Variants in TEX48 observed in about 807,000 individuals in gnomAD.
TEX48 encodes testis-expressed protein 48.
In TEX48, 10 loss-of-function variants were observed where a neutral mutation model predicts 13.2. The observed-to-expected ratio is 0.75, with a 90% CI of 0.47 to 1.28. TEX48 has a LOEUF of 1.28. Ranked by LOEUF, TEX48 falls within the 50% of genes most tolerant of loss-of-function variation. TEX48 has a pLI of 0.00. For synonymous variants in TEX48, 45 were observed against 52.3 expected (o/e 0.86, Z 0.60); for missense variants, 116 against 139.4 (o/e 0.83, Z 0.84).
intron 1 of TEX48, among the ~76,000 whole-genome samples, chr9:114,672,561 C>G (rs1827968221): frequency 6.6e-6 from 1 of 152,136 alleles, no homozygotes; most frequent in Admixed American, 6.5e-5. Flanking sequence ...TGAGTTTTGC[C>G]TTCATTATAG....
chr9:114,671,654 C>T (rs2133759460), intron 2 of TEX48, 66 bp downstream of exon 2: 2 of 1,534,516 alleles, frequency 1.3e-6, no homozygotes, highest in Non-Finnish European at 1.7e-6. Flanking sequence ...TCTTCTGTAG[C>T]TTCCCATGGC....
At chr9:114,671,679 G>T (rs1190833439) in intron 2 of TEX48, 41 bp downstream of exon 2, 2 of 1,535,460 alleles carry the variant, frequency 1.3e-6, no homozygotes, top group South Asian at 2.4e-5. Flanking sequence ...AGATCCTTCT[G>T]CCTAGGCCAT....
chr9:114,681,293 G>T (rs1215211593), intron 1 of TEX48, among the ~76,000 whole-genome samples: 3 of 152,106 alleles, frequency 2.0e-5, no homozygotes, highest in African/African-American at 7.2e-5. Flanking sequence ...AAGAAAGAGG[G>T]TAGTAGAACC....
At position 114,666,872 on chromosome 9, in the gene TEX48, G is replaced by A. The variant is rs1396634615; in HGVS notation, c.260-126C>T. The A allele has an allele frequency of 1.2e-5, 7 of 604,298 alleles. No homozygotes were observed. In the Admixed American group the frequency reaches 2.1e-4, roughly 18 times the overall value. The allele number at this position is 604,298 out of a possible 1,614,324, so 37.4% of individuals were successfully genotyped here. The stretch of plus-strand genomic sequence containing the variant: ...CTTCTTGAATCTCAAGGGACCCAAG[G>A]CAGACCCTAGTCTAGGACTTGGAAG... On this transcript the variant is annotated intron_variant, in intron 4 of 4. Transcript: ENST00000436752.
intron 4 of TEX48, among the ~76,000 whole-genome samples, chr9:114,667,666 A>G (rs1827866159): frequency 6.6e-6 from 1 of 152,158 alleles, no homozygotes; most frequent in African/African-American, 2.4e-5. Flanking sequence ...TGGGAGGCCA[A>G]GGTAGGTGGA....
intron 1 of TEX48, among the ~76,000 whole-genome samples, chr9:114,674,055 A>G (rs1828003154): frequency 6.6e-6 from 1 of 152,074 alleles, no homozygotes; most frequent in Non-Finnish European, 1.5e-5. Context: ...ATCCTCCCAC[A>G]TTGGCCTCAA....
chr9:114,671,290 T>C (rs1827941192), intron 3 of TEX48, 93 bp downstream of exon 3: 2 of 1,410,430 alleles, frequency 1.4e-6, no homozygotes, highest in Admixed American at 2.1e-5. Context: ...TCAGTGATAG[T>C]GATGAAGGCA....
intron 3 of TEX48, 54 bp downstream of exon 3, chr9:114,671,329 T>A (rs1827941772): frequency 6.6e-7 from 1 of 1,523,204 alleles, no homozygotes; most frequent in African/African-American, 1.4e-5. Context: ...AGGCAGAGAG[T>A]GAGCAAAGTG....
At chr9:114,675,941 G>A (rs776137453) in intron 1 of TEX48, among the ~76,000 whole-genome samples, 1 of 152,102 alleles carries the variant, frequency 6.6e-6, no homozygotes, top group Non-Finnish European at 1.5e-5. Flanking sequence ...TTCAGCTCAG[G>A]GGCTACAGGA....
At position 114,681,262 on chromosome 9, in the gene TEX48, A is replaced by G. The variant is rs938701601; in HGVS notation, c.-105+773T>C. Among the ~76,000 whole-genome samples, 10 of 152,290 alleles carry G rather than the reference A, an allele frequency of 6.6e-5. No individual in the cohort carries two copies. In the East Asian group the frequency reaches 1.9e-3, roughly 29 times the overall value. The stretch of plus-strand genomic sequence containing the variant: ...CACCCCGTGCTGATGCTCTCTCCAC[A>G]TCTTTACTAGAAAATTTTGCAAGAA... On this transcript the variant is annotated intron_variant, in intron 1 of 4. Coordinates refer to ENST00000436752, the MANE Select transcript of TEX48 (RefSeq NM_001199233.2).
chr9:114,669,549 C>T (rs60862773), intron 3 of TEX48, among the ~76,000 whole-genome samples: 8,128 of 152,058 alleles, frequency 0.053, 437 homozygotes, highest in East Asian at 0.21. Flanking sequence ...TCAAGCGATT[C>T]TCCTGCCTCA....
intron 1 of TEX48, among the ~76,000 whole-genome samples, chr9:114,673,007 A>G (rs2133760779): frequency 6.6e-6 from 1 of 152,300 alleles, no homozygotes; most frequent in South Asian, 2.1e-4. Flanking sequence ...AAGGATGAAG[A>G]GTACCCCACT....
intron 2 of TEX48, 56 bp from the exon 3 acceptor site, chr9:114,671,561 C>A: frequency 6.5e-7 from 1 of 1,533,208 alleles, no homozygotes; most frequent in South Asian, 1.2e-5. Context: ...TTCCAGATGC[C>A]TATTGGAAAT....
At chr9:114,673,691 A>T (rs1827994382) in intron 1 of TEX48, among the ~76,000 whole-genome samples, 1 of 152,196 alleles carries the variant, frequency 6.6e-6, no homozygotes, top group Admixed American at 6.5e-5. Flanking sequence ...TTGTCTTTAG[A>T]AGGCCCAGGC....
intron 3 of TEX48, among the ~76,000 whole-genome samples, chr9:114,670,720 G>C (rs1170105061): frequency 6.6e-6 from 1 of 152,088 alleles, no homozygotes; most frequent in Non-Finnish European, 1.5e-5. Flanking sequence ...GTGCAAGCAA[G>C]AAATACATTT....
intron 1 of TEX48, among the ~76,000 whole-genome samples, chr9:114,679,803 C>G (rs989531326): frequency 1.3e-5 from 2 of 152,158 alleles, no homozygotes; most frequent in East Asian, 3.9e-4. Context: ...TGCCTTTTTT[C>G]CCCTCACCTT....
chr9:114,672,988 A>C (rs1827977078), intron 1 of TEX48, among the ~76,000 whole-genome samples: 2 of 152,194 alleles, frequency 1.3e-5, no homozygotes, highest in African/African-American at 2.4e-5. Flanking sequence ...AAAGCAAAAA[A>C]GATTTTAAAA....
At position 114,674,660 on chromosome 9, in the gene TEX48, TCCTTCC is replaced by T. The variant is rs1564317186; in HGVS notation, c.-104-2839_-104-2834del. Among the ~76,000 whole-genome samples the T allele has an allele frequency of 6.9e-3, 474 of 68,648 alleles. 10 individuals carry two copies. The highest frequency in any genetic ancestry group is 0.033 in the African/African-American group (447 of 13,344). 45.0% of individuals were successfully genotyped at this position (68,648 alleles called of 152,430 possible). ...TTCCTTCCTTCCTTCCTTCCTTCCT[TCCTTCC>T]TTCTTTCCTTCTCTCTTGCTCTCAC... On this transcript the variant is annotated intron_variant, in intron 1 of 4. Transcript: ENST00000436752.
chr9:114,678,484 T>C (rs1157726441), intron 1 of TEX48, among the ~76,000 whole-genome samples: 1 of 152,216 alleles, frequency 6.6e-6, no homozygotes, highest in African/African-American at 2.4e-5. Flanking sequence ...TTGTATATCC[T>C]GTGTAATTCA....
Sources: gnomAD v4.1 joint callset for allele counts (sites outside exome capture counted in the v4.1 genomes callset) on GRCh38, gnomAD v4.1.1 for gene constraint, MANE v1.5 for transcripts, NCBI Gene and HGNC (gene_info 2026-07-23, HGNC 2026-07-21) for gene names.